SLC22A15: variants seen among roughly 807,000 people sequenced by gnomAD.
SLC22A15 encodes the protein solute carrier family 22 member 15, also known as flipt 1.
In SLC22A15, 45 loss-of-function variants were observed where a neutral mutation model predicts 62.7. The observed-to-expected ratio is 0.72, with a 90% CI of 0.56 to 0.92. The LOEUF (loss-of-function observed/expected upper bound fraction) is 0.92. SLC22A15 is among the 40% of genes least tolerant of loss of function. The pLI is 0.00. For synonymous variants in SLC22A15, 264 were observed against 267.0 expected, an observed-to-expected ratio of 0.99 and a Z score of 0.11; for missense variants, 622 against 665.6, an observed-to-expected ratio of 0.93 and a Z score of 0.72.
At chr1:115,997,079 A>G (rs1167805001) in intron 2 of SLC22A15, among the ~76,000 whole-genome samples, 1 of 152,118 alleles carries the variant, frequency 6.6e-6, no homozygotes, top group Non-Finnish European at 1.5e-5. Flanking sequence ...GTCTTTCACC[A>G]TTAAGTGCAG....
intron 8 of SLC22A15, among the ~76,000 whole-genome samples, chr1:116,044,180 A>T (rs372704207): frequency 1.3e-5 from 2 of 152,258 alleles, no homozygotes; most frequent in African/African-American, 4.8e-5. Flanking sequence ...AATCTCTCTT[A>T]TTAATATGGA....
rs533328491 is a variant in SLC22A15 at position 116,053,053 on chromosome 1, C to T, written c.1172-9709C>T. ...TCACCAGCAACAGAACAAAGCTGGACGGAGAATGACTTTGATGAGTTGAGA... is the reference window on the plus strand; with the variant it reads ...TCACCAGCAACAGAACAAAGCTGGATGGAGAATGACTTTGATGAGTTGAGA... On this transcript the variant is annotated intron_variant, in intron 8 of 11. Coordinates refer to ENST00000369503, the MANE Select transcript of SLC22A15 (RefSeq NM_018420.3). 2.0e-3 allele frequency among the ~76,000 whole-genome samples: 307 copies of T among 152,318 alleles called. 1 individual carries two copies. Among genetic ancestry groups the T allele is most frequent in the African/African-American group, 6.9e-3 (285 of 41,564 alleles).
chr1:116,010,165 C>G (rs539989298), intron 2 of SLC22A15, among the ~76,000 whole-genome samples: 1 of 152,316 alleles, frequency 6.6e-6, no homozygotes, highest in African/African-American at 2.4e-5. Flanking sequence ...AGATTATTCC[C>G]TGAGCTCTGA....
chr1:116,025,025 A>C (rs760919476), intron 4 of SLC22A15, among the ~76,000 whole-genome samples: 27 of 152,116 alleles, frequency 1.8e-4, no homozygotes, highest in Non-Finnish European at 3.7e-4. Context: ...TAATAAATAG[A>C]AGGGCTAAAT....
intron 1 of SLC22A15, among the ~76,000 whole-genome samples, chr1:115,979,544 A>G (rs548062822): frequency 2.6e-5 from 4 of 152,336 alleles, no homozygotes; most frequent in African/African-American, 7.2e-5. Flanking sequence ...TTACCATCAA[A>G]ATGTACTTGC....
chr1:116,054,040 A>G (rs1658132434), intron 8 of SLC22A15, among the ~76,000 whole-genome samples: 1 of 152,184 alleles, frequency 6.6e-6, no homozygotes, highest in Non-Finnish European at 1.5e-5. Flanking sequence ...ACAGGATCAA[A>G]TTTACACATA....
At chr1:116,052,427 A>G (rs1439994581) in intron 8 of SLC22A15, among the ~76,000 whole-genome samples, 1 of 152,230 alleles carries the variant, frequency 6.6e-6, no homozygotes, top group African/African-American at 2.4e-5. Context: ...ACCACAGCTC[A>G]AGGAGGCCTG....
intron 8 of SLC22A15, among the ~76,000 whole-genome samples, chr1:116,059,753 C>T (rs1658328314): frequency 6.6e-6 from 1 of 152,138 alleles, no homozygotes; most frequent in African/African-American, 2.4e-5. Flanking sequence ...TGTAATCACA[C>T]AGTGAATGAG....
intron 2 of SLC22A15, among the ~76,000 whole-genome samples, chr1:116,018,433 C>A (rs1421774239): frequency 6.6e-6 from 1 of 152,254 alleles, no homozygotes; most frequent in Middle Eastern, 3.4e-3. Flanking sequence ...GGCGCGATCT[C>A]AGCTCAGTGC....
At chr1:116,044,061 ATAAAG>A (rs1213503922) in intron 8 of SLC22A15, among the ~76,000 whole-genome samples, 7 of 152,226 alleles carry the variant, frequency 4.6e-5, no homozygotes, top group Admixed American at 3.9e-4. Flanking sequence ...TTTCCAGAAA[ATAAAG>A]AGGAGAGAAT....
chr1:115,983,691 G>A (rs184589640), intron 1 of SLC22A15, among the ~76,000 whole-genome samples: 1 of 152,306 alleles, frequency 6.6e-6, no homozygotes, highest in Admixed American at 6.5e-5. Context: ...CAACCTTGAT[G>A]AAGTGGCTGC....
intron 8 of SLC22A15, among the ~76,000 whole-genome samples, chr1:116,041,918 A>G (rs923760640): frequency 6.6e-6 from 1 of 152,050 alleles, no homozygotes; most frequent in African/African-American, 2.4e-5. Flanking sequence ...TCCTAGGTCA[A>G]AGTCATTTTA....
At chr1:116,021,606 G>A (rs190190126) in intron 4 of SLC22A15, among the ~76,000 whole-genome samples, 3 of 152,288 alleles carry the variant, frequency 2.0e-5, no homozygotes, top group African/African-American at 4.8e-5. Flanking sequence ...CAGGTTGACC[G>A]TGTGACTGAT....
At chr1:116,033,592 T>TGTATGA (rs1381850030) in intron 6 of SLC22A15, among the ~76,000 whole-genome samples, 6 of 151,478 alleles carry the variant, frequency 4.0e-5, no homozygotes, top group African/African-American at 1.5e-4. Flanking sequence ...TGTGTGTATG[T>TGTATGA]GTGTGTGTGT....
intron 7 of SLC22A15, among the ~76,000 whole-genome samples, chr1:116,036,991 A>G (rs1457728228): frequency 1.3e-5 from 2 of 152,214 alleles, no homozygotes; most frequent in Admixed American, 6.5e-5. Flanking sequence ...TTAGGATTAA[A>G]TAAGATAATA....
At chr1:116,031,822 A>G (rs1221829745) in intron 6 of SLC22A15, 3 of 1,366,392 alleles carry the variant, frequency 2.2e-6, no homozygotes, top group Admixed American at 3.4e-5. Context: ...GTAAGTAGAC[A>G]TCAGAAGCAC....
intron 1 of SLC22A15, among the ~76,000 whole-genome samples, chr1:115,983,681 C>T (rs1280327465): frequency 6.6e-6 from 1 of 152,168 alleles, no homozygotes; most frequent in Non-Finnish European, 1.5e-5. Flanking sequence ...TCCCTGCCTC[C>T]AACCTTGATG....
At chr1:116,024,535 A>AT (rs1409151923) in intron 4 of SLC22A15, among the ~76,000 whole-genome samples, 1 of 152,208 alleles carries the variant, frequency 6.6e-6, no homozygotes, top group Non-Finnish European at 1.5e-5. Flanking sequence ...TGAAATGTTT[A>AT]TTTTTTATTA....
chr1:116,008,200 C>A (rs911984768), intron 2 of SLC22A15, among the ~76,000 whole-genome samples: 8 of 152,156 alleles, frequency 5.3e-5, no homozygotes, highest in Non-Finnish European at 1.5e-5. Flanking sequence ...TAAAGAGTTT[C>A]TTTGAGCCAG....
Sources: allele counts gnomAD v4.1 joint callset (sites outside exome capture counted in the v4.1 genomes callset), GRCh38; gene constraint gnomAD v4.1.1; transcripts MANE v1.5; gene names NCBI Gene and HGNC (gene_info 2026-07-23, HGNC 2026-07-21).